The following SNTG2 variants were observed in gnomAD, a reference collection of about 807,000 sequenced individuals.
SNTG2 encodes syntrophin gamma 2, also known as gamma-2-syntrophin.
Under a neutral mutation model 70.9 loss-of-function variants are expected in SNTG2, and 74 were observed. That is an observed-to-expected ratio of 1.04 (90% CI 0.86 to 1.27). SNTG2 has a LOEUF of 1.27. SNTG2 is among the 50% of genes most tolerant of loss of function. The pLI is 0.00. For synonymous variants in SNTG2, 278 were observed against 273.8 expected (o/e 1.02, Z -0.15); for missense variants, 717 against 690.7 (o/e 1.04, Z -0.43).
chr2:1,261,011 C>T (rs1451076930), intron 13 of SNTG2, among the ~76,000 whole-genome samples: 1 of 152,028 alleles, frequency 6.6e-6, no homozygotes, highest in Admixed American at 6.6e-5. Flanking sequence ...AAATTTTAGT[C>T]AGTAAATATT....
intron 1 of SNTG2, among the ~76,000 whole-genome samples, chr2:1,055,684 G>A (rs1558347445): frequency 6.6e-6 from 1 of 152,224 alleles, no homozygotes; most frequent in East Asian, 1.9e-4. Flanking sequence ...CAGAAATTCA[G>A]ATTTGGAAGA....
At chr2:1,166,904 GGGT>G (rs1278601187) in intron 7 of SNTG2, among the ~76,000 whole-genome samples, 1 of 152,078 alleles carries the variant, frequency 6.6e-6, no homozygotes, top group African/African-American at 2.4e-5. Flanking sequence ...AGTTTGGCTG[GGGT>G]GGTTGGACGA....
At chr2:1,076,459 A>G (rs768090542) in intron 1 of SNTG2, among the ~76,000 whole-genome samples, 31 of 152,228 alleles carry the variant, frequency 2.0e-4, no homozygotes, top group Non-Finnish European at 4.3e-4. Context: ...ACAAGGGGCA[A>G]TGCTTTATAA....
intron 6 of SNTG2, among the ~76,000 whole-genome samples, chr2:1,144,503 A>G (rs1321936441): frequency 6.6e-6 from 1 of 152,228 alleles, no homozygotes; most frequent in Non-Finnish European, 1.5e-5. Context: ...CAGATATTGT[A>G]TCAGTCTGTT....
chr2:962,067 TG>T (rs1349451973), intron 1 of SNTG2, among the ~76,000 whole-genome samples: 9 of 152,340 alleles, frequency 5.9e-5, no homozygotes, highest in Admixed American at 5.9e-4. Flanking sequence ...GTGGAAATAC[TG>T]GTAACCTAAG....
intron 14 of SNTG2, among the ~76,000 whole-genome samples, chr2:1,269,038 A>C (rs1483986733): frequency 3.9e-5 from 6 of 152,166 alleles, no homozygotes; most frequent in Non-Finnish European, 8.8e-5. Context: ...GCAATCATAG[A>C]ATTACAGTGT....
At chr2:1,300,154 C>T (rs528162166) in intron 14 of SNTG2, among the ~76,000 whole-genome samples, 22 of 151,762 alleles carry the variant, frequency 1.4e-4, no homozygotes, top group African/African-American at 5.1e-4. Context: ...CTGTTACCAT[C>T]GCCGCTCTGA....
chr2:1,277,226 C>G (rs946177863), intron 14 of SNTG2, among the ~76,000 whole-genome samples: 1 of 152,174 alleles, frequency 6.6e-6, no homozygotes, highest in African/African-American at 2.4e-5. Flanking sequence ...AAAATTCTAT[C>G]AAACAGCATC....
intron 6 of SNTG2, chr2:1,160,147 C>T (rs1320356441): frequency 1.3e-5 from 2 of 151,640 alleles, no homozygotes; most frequent in African/African-American, 4.9e-5. Flanking sequence ...TTGTACTGAC[C>T]TCTTTATTCC....
At chr2:976,559 G>A (rs7586734) in intron 1 of SNTG2, among the ~76,000 whole-genome samples, 8,367 of 152,268 alleles carry the variant, frequency 0.055, 802 homozygotes, top group African/African-American at 0.19. Flanking sequence ...GAGAGCAGAA[G>A]CATGACAGTG....
intron 2 of SNTG2, among the ~76,000 whole-genome samples, chr2:1,095,098 AAGAG>A (rs144679591): frequency 3.0e-4 from 45 of 151,382 alleles, no homozygotes; most frequent in East Asian, 1.5e-3. Context: ...GAGAAAAAAA[AAGAG>A]AGAGAGAGAG....
Position 1,231,764 on chromosome 2 carries a change from T to C in SNTG2, c.720-6124T>C, listed in dbSNP as rs1287265646. ...GCAGAGGGGAGTGTAGACACCACCTTCCCGTGACAAACCCAGGTGCTGGAA... is the reference window on the plus strand; with the variant it reads ...GCAGAGGGGAGTGTAGACACCACCTCCCCGTGACAAACCCAGGTGCTGGAA... On this transcript the variant is annotated intron_variant, in intron 9 of 16. Transcript: ENST00000308624. 2.0e-5 allele frequency among the ~76,000 whole-genome samples: 3 copies of C among 152,098 alleles called. No individual in the cohort carries two copies. In the South Asian group the frequency reaches 6.2e-4, roughly 32 times the overall value.
chr2:1,366,624 G>A (rs888885048), intron 16 of SNTG2, among the ~76,000 whole-genome samples: 9 of 152,188 alleles, frequency 5.9e-5, no homozygotes, highest in South Asian at 4.1e-4. Context: ...CTGCTCTCCC[G>A]TAGCCATGGG....
chr2:1,123,133 T>C (rs1667482344), intron 4 of SNTG2, among the ~76,000 whole-genome samples: 2 of 152,240 alleles, frequency 1.3e-5, no homozygotes, highest in East Asian at 1.9e-4. Flanking sequence ...TGCTAAAATA[T>C]CTATGAGCCA....
intron 14 of SNTG2, among the ~76,000 whole-genome samples, chr2:1,299,210 T>A (rs1680346723): frequency 2.0e-5 from 3 of 152,184 alleles, no homozygotes; most frequent in Admixed American, 2.0e-4. Context: ...TGGAAACACA[T>A]CTGTCACTAG....
intron 1 of SNTG2, among the ~76,000 whole-genome samples, chr2:1,028,322 G>T (rs528656286): frequency 6.6e-6 from 1 of 152,076 alleles, no homozygotes; most frequent in Admixed American, 6.5e-5. Flanking sequence ...ATCATTGAAG[G>T]TGCATCTGAC....
rs536421058 is a variant in SNTG2, at chr2:1,072,807, T to G, written c.73-10711T>G. Reference sequence around the variant, plus strand: ...TCTAGATGCCACTAAGTACACTAAGTACATTTCATGATTCATGGGAGGAGG... The same window carrying G: ...TCTAGATGCCACTAAGTACACTAAGGACATTTCATGATTCATGGGAGGAGG... On this transcript the variant is annotated intron_variant, in intron 1 of 16. Transcript: ENST00000308624. Among the ~76,000 whole-genome samples, 107 of 152,278 alleles carry G rather than the reference T, an allele frequency of 7.0e-4. 1 individual carries two copies. Among genetic ancestry groups the G allele is most frequent in the African/African-American group, 2.5e-3 (104 of 41,564 alleles).
intron 1 of SNTG2, among the ~76,000 whole-genome samples, chr2:965,502 CTT>C (rs1436679062): frequency 6.6e-6 from 1 of 150,986 alleles, no homozygotes; most frequent in African/African-American, 2.4e-5. Flanking sequence ...ATCCTCTGGT[CTT>C]CTTCAGGGTC....
intron 1 of SNTG2, among the ~76,000 whole-genome samples, chr2:1,039,215 T>G (rs887295567): frequency 2.0e-5 from 3 of 152,234 alleles, no homozygotes; most frequent in Non-Finnish European, 4.4e-5. Flanking sequence ...TTTTTAGTAA[T>G]GATAAATAAC....
Sources: gnomAD v4.1 joint callset for allele counts (sites outside exome capture counted in the v4.1 genomes callset) on GRCh38, gnomAD v4.1.1 for gene constraint, MANE v1.5 for transcripts, NCBI Gene and HGNC (gene_info 2026-07-23, HGNC 2026-07-21) for gene names.